Variants in RNF125 observed in about 807,000 individuals in gnomAD.
RNF125 encodes ring finger protein 125.
In RNF125, 21 loss-of-function variants were observed where a neutral mutation model predicts 26.0. That is an observed-to-expected ratio of 0.81 (90% CI 0.57 to 1.16). RNF125 has a LOEUF of 1.16. RNF125 is among the 50% of genes most tolerant of loss of function. The pLI is 0.00. For missense variants in RNF125, 270 were observed against 299.4 expected (o/e 0.90, Z 0.72); for synonymous variants, 95 against 109.2 (o/e 0.87, Z 0.81).
At chr18:32,025,467 C>T (rs2144433514) in intron 1 of RNF125, among the ~76,000 whole-genome samples, 1 of 151,804 alleles carries the variant, frequency 6.6e-6, no homozygotes, top group African/African-American at 2.4e-5. Context: ...AGTTCGAGAC[C>T]AGCCTGCCCA....
chr18:32,063,087 G>T (rs928907381), intron 4 of RNF125, among the ~76,000 whole-genome samples: 3 of 151,926 alleles, frequency 2.0e-5, no homozygotes, highest in Non-Finnish European at 2.9e-5. Context: ...GGGCATGGTG[G>T]TGGGCGCCTG....
the RNF125 span, among the ~76,000 whole-genome samples, chr18:32,082,784 C>T: frequency 6.6e-6 from 1 of 152,208 alleles, no homozygotes; most frequent in Non-Finnish European, 1.5e-5. Flanking sequence ...ATTCGTATAA[C>T]AGGACTGTGA....
chr18:32,060,824 A>G (rs1598825383), intron 4 of RNF125, among the ~76,000 whole-genome samples: 1 of 152,146 alleles, frequency 6.6e-6, no homozygotes, highest in East Asian at 1.9e-4. Context: ...TTAGTCACAC[A>G]ATTAAATTTT....
intron 5 of RNF125, 95 bp from the exon 6 acceptor site, chr18:32,068,203 T>C (rs1187246278): frequency 2.9e-5 from 19 of 664,110 alleles, no homozygotes; most frequent in Non-Finnish European, 4.7e-5. Context: ...TAACTTTAGT[T>C]CCCTACAAAA....
chr18:32,045,041 C>T lies in RNF125; in HGVS notation c.414-601C>T, dbSNP rs2039254982. 4.0e-5 allele frequency among the ~76,000 whole-genome samples: 6 copies of T among 151,566 alleles called. No individual in the cohort carries two copies. The South Asian group carries it at 1.2e-3, about 32-fold the overall frequency. ...GCTGAGACAGGAGGATCATTTGAGC[C>T]CAGGAAGTGGAGGTTGCGGTGAGCC... On this transcript the variant is annotated intron_variant, in intron 3 of 5. Coordinates refer to ENST00000217740, the MANE Select transcript of RNF125 (RefSeq NM_017831.4).
In RNF125 at chr18:32,062,660, A is replaced by G. The variant is rs1026482299; in HGVS notation, c.505-3242A>G. ...AGACCTCATTTAAATAAAGAAAAAC[A>G]TTATCACCCAAGTTGATAAATTGGA... On this transcript the variant is annotated intron_variant, in intron 4 of 5. Coordinates refer to ENST00000217740, the MANE Select transcript of RNF125 (RefSeq NM_017831.4). 6.2e-4 allele frequency among the ~76,000 whole-genome samples: 95 copies of G among 152,210 alleles called. 1 individual carries two copies. Among genetic ancestry groups the G allele is most frequent in the African/African-American group, 2.3e-3 (94 of 41,472 alleles).
chr18:32,041,816 G>A, intron 2 of RNF125: 1 of 97,620 alleles, frequency 1.0e-5, no homozygotes, highest in East Asian at 2.2e-4. Context: ...ATTTTTAGTA[G>A]AGACGGGGTT....
chr18:32,021,841 A>G (rs988715104), intron 1 of RNF125, among the ~76,000 whole-genome samples: 1 of 152,240 alleles, frequency 6.6e-6, no homozygotes, highest in Non-Finnish European at 1.5e-5. Context: ...TAAAGTGAAT[A>G]GGAAACTAGC....
chr18:32,043,941 C>T (rs1050129275), intron 3 of RNF125, among the ~76,000 whole-genome samples: 3 of 151,908 alleles, frequency 2.0e-5, no homozygotes, highest in African/African-American at 4.8e-5. Flanking sequence ...TCCAAGACTC[C>T]GTATTGTCCC....
chr18:32,055,729 C>T (rs2039374255), intron 4 of RNF125, among the ~76,000 whole-genome samples: 1 of 151,958 alleles, frequency 6.6e-6, no homozygotes. Context: ...GCCTGTAATC[C>T]CAGCACTTTG....
the RNF125 span, among the ~76,000 whole-genome samples, chr18:32,087,972 C>A: frequency 6.6e-6 from 1 of 152,210 alleles, no homozygotes; most frequent in Admixed American, 6.5e-5. Context: ...CCCAGTAAAT[C>A]ACCTGCTACC....
At chr18:32,045,009 T>A (rs1479749363) in intron 3 of RNF125, among the ~76,000 whole-genome samples, 1 of 151,844 alleles carries the variant, frequency 6.6e-6, no homozygotes, top group African/African-American at 2.4e-5. Flanking sequence ...TCTGAGCTAC[T>A]TGGGAGGCTG....
the RNF125 span, among the ~76,000 whole-genome samples, chr18:32,087,232 G>A: frequency 3.3e-5 from 5 of 151,508 alleles, no homozygotes; most frequent in Non-Finnish European, 7.4e-5. Context: ...GCGGTTCCCA[G>A]AGCCCACTCT....
rs184990151 is a variant in RNF125, at chr18:32,063,554, G to C, written c.505-2348G>C. On this transcript the variant is annotated intron_variant, in intron 4 of 5. Coordinates refer to ENST00000217740, the MANE Select transcript of RNF125 (RefSeq NM_017831.4). ...TAAACATATACTTATCATATAACCA[G>C]GCAATCACACTCCTGAAAATTTATC... Among the ~76,000 whole-genome samples, 9 of 152,258 alleles carry C rather than the reference G, an allele frequency of 5.9e-5. No homozygotes were observed. The East Asian group carries it at 1.2e-3, about 20-fold the overall frequency.
chr18:32,084,864 A>G, the RNF125 span, among the ~76,000 whole-genome samples: 1 of 152,232 alleles, frequency 6.6e-6, no homozygotes, highest in African/African-American at 2.4e-5. Flanking sequence ...AATGTCATGA[A>G]AATTCATGTT....
At chr18:32,076,923 C>A (rs1315938581), downstream of RNF125, among the ~76,000 whole-genome samples, 3 of 152,158 alleles carry the variant, frequency 2.0e-5, no homozygotes, top group South Asian at 6.2e-4. Context: ...CAGCCAAAGT[C>A]ACTCCTCCAC....
At chr18:32,031,486 GAAAAAAAAAAA>G (rs745809061) in intron 1 of RNF125, 1 of 20,956 alleles carries the variant, frequency 4.8e-5, no homozygotes, top group African/African-American at 1.1e-4. Context: ...CAAATTGTGG[GAAAAAAAAAAA>G]AAAAAAAAAA....
chr18:32,071,434 A>G lies in RNF125; in HGVS notation c.*3050A>G, dbSNP rs1315319333. On this transcript the variant is annotated 3_prime_UTR_variant, in exon 6 of 6. Coordinates refer to ENST00000217740, the MANE Select transcript of RNF125 (RefSeq NM_017831.4). ...CAGGTGTGTGCCACCGCGCCAGGCAATTGCCCCCAGTTTTTATTTGATGGC... is the reference window on the plus strand; with the variant it reads ...CAGGTGTGTGCCACCGCGCCAGGCAGTTGCCCCCAGTTTTTATTTGATGGC... 2.6e-5 allele frequency: 4 copies of G among 150,958 alleles called. No homozygotes were observed. The highest frequency in any genetic ancestry group is 5.9e-5 in the Non-Finnish European group (4 of 67,700). 9.4% of individuals were successfully genotyped at this position (150,958 alleles called of 1,614,324 possible).
chr18:32,037,019 A>G, intron 1 of RNF125, 97 bp from the exon 2 acceptor site: 1 of 1,083,858 alleles, frequency 9.2e-7, no homozygotes, highest in Non-Finnish European at 1.3e-6. Context: ...ATGGGGTACG[A>G]GGTGTCATTA....
Sources: allele counts gnomAD v4.1 joint callset (sites outside exome capture counted in the v4.1 genomes callset), GRCh38; gene constraint gnomAD v4.1.1; transcripts MANE v1.5; gene names NCBI Gene and HGNC (gene_info 2026-07-23, HGNC 2026-07-21).